ENOX2: variants seen among roughly 807,000 people sequenced by gnomAD.
ENOX2 encodes ecto-NOX disulfide-thiol exchanger 2, also known as APK1 antigen.
ENOX2 carries 36 observed loss-of-function variants against 45.0 expected under a neutral mutation model. The ratio of observed to expected loss-of-function variants is 0.80; its 90% confidence interval spans 0.61 to 1.06. The LOEUF (loss-of-function observed/expected upper bound fraction) is 1.06. ENOX2 is among the 50% of genes least tolerant of loss of function. ENOX2 has a pLI of 0.00. For missense variants in ENOX2, 423 were observed against 462.5 expected, an observed-to-expected ratio of 0.91 and a Z score of 0.78; for synonymous variants, 174 against 152.3, an observed-to-expected ratio of 1.14 and a Z score of -1.05.
chrX:130,716,592 C>A (rs2038336311), intron 3 of ENOX2, among the ~76,000 whole-genome samples: 1 of 111,808 alleles, frequency 8.9e-6, no homozygotes, highest in African/African-American at 3.3e-5. Flanking sequence ...AAGACAAAGG[C>A]AGATTATGGC....
At chrX:130,845,627 G>A (rs191624431) in intron 2 of ENOX2, among the ~76,000 whole-genome samples, 70 of 111,684 alleles carry the variant, frequency 6.3e-4, no homozygotes, top group Admixed American at 3.6e-3. Flanking sequence ...CACCACACCC[G>A]GCTAATTTTG....
chrX:130,859,134 C>G (rs1298301771), intron 2 of ENOX2, among the ~76,000 whole-genome samples: 6 of 112,106 alleles, frequency 5.4e-5, no homozygotes, highest in Non-Finnish European at 5.6e-5. Flanking sequence ...CCAGCCTGAC[C>G]AACATGGTGA....
At chrX:130,746,769 T>C (rs2039106248) in intron 3 of ENOX2, among the ~76,000 whole-genome samples, 3 of 111,696 alleles carry the variant, frequency 2.7e-5, no homozygotes, top group South Asian at 7.5e-4. Flanking sequence ...GGGAAGATGA[T>C]TACATTTTTG....
At position 130,786,123 on chromosome X, in the gene ENOX2, G is replaced by A. The variant is rs900635191; in HGVS notation, c.-182-2433C>T. On this transcript the variant is annotated intron_variant, in intron 2 of 14. Coordinates refer to ENST00000394363, the MANE Select transcript of ENOX2 (RefSeq NM_006375.4). ...TGGTGCCTAGCACCATACCTTGAGCGCCCAAATGAATTAATCCTTAATTGG... is the reference window on the plus strand; with the variant it reads ...TGGTGCCTAGCACCATACCTTGAGCACCCAAATGAATTAATCCTTAATTGG... 4.6e-4 allele frequency among the ~76,000 whole-genome samples: 52 copies of A among 112,876 alleles called. 1 individual carries two copies. The highest frequency in any genetic ancestry group is 4.6e-3 in the Middle Eastern group (1 of 217).
rs1032387106 is a variant in ENOX2, at chrX:130,669,892, A to G, written c.694+73T>C. On this transcript the variant is annotated intron_variant, in intron 7 of 14. Coordinates refer to ENST00000394363, the MANE Select transcript of ENOX2 (RefSeq NM_006375.4). ...GAAACTCAAAGTGTAACTGTCAACA[A>G]TGCAATTATATTTATGACACTTCTC... The G allele has an allele frequency of 2.0e-5, 15 of 755,088 alleles. No individual in the cohort carries two copies. In the Admixed American group the frequency reaches 3.6e-4, roughly 18 times the overall value. 62.2% of individuals were successfully genotyped at this position (755,088 alleles called of 1,213,427 possible).
At chrX:130,748,294 C>T (rs766302261) in intron 3 of ENOX2, among the ~76,000 whole-genome samples, 2 of 112,139 alleles carry the variant, frequency 1.8e-5, no homozygotes, top group Non-Finnish European at 3.8e-5. Context: ...TTCACAACCA[C>T]TGTAGGAGTC....
At chrX:130,835,057 G>A (rs2077906279) in intron 2 of ENOX2, among the ~76,000 whole-genome samples, 1 of 110,992 alleles carries the variant, frequency 9.0e-6, no homozygotes, top group South Asian at 3.8e-4. Context: ...ATACTAAACA[G>A]AACCAAATCA....
intron 10 of ENOX2, among the ~76,000 whole-genome samples, chrX:130,639,034 A>G (rs991755893): frequency 5.4e-5 from 6 of 111,981 alleles, no homozygotes; most frequent in Non-Finnish European, 1.1e-4. Flanking sequence ...AGACCCAGTC[A>G]TTGGAGAGCT....
At chrX:130,881,851 AGCTTCAGAAACTCAT>A (rs966504993) in intron 2 of ENOX2, among the ~76,000 whole-genome samples, 7 of 112,009 alleles carry the variant, frequency 6.2e-5, no homozygotes, top group Non-Finnish European at 1.3e-4. Flanking sequence ...TTAGCCATCC[AGCTTCAGAAACTCAT>A]GCTTCGGAAC....
chrX:130,857,884 G>A lies in ENOX2; in HGVS notation c.-183+43800C>T, dbSNP rs776304195. Reference sequence around the variant, plus strand: ...AGAAAACTCTTTTGTCTCAAATATAGAATTTTTTTAATTACAAATGAACAA... The same window carrying A: ...AGAAAACTCTTTTGTCTCAAATATAAAATTTTTTTAATTACAAATGAACAA... On this transcript the variant is annotated intron_variant, in intron 2 of 14. Coordinates refer to ENST00000394363, the MANE Select transcript of ENOX2 (RefSeq NM_006375.4). Among the ~76,000 whole-genome samples the A allele has an allele frequency of 3.6e-4, 40 of 111,409 alleles. No homozygotes were observed. The South Asian group carries it at 8.6e-3, about 24-fold the overall frequency.
intron 14 of ENOX2, among the ~76,000 whole-genome samples, chrX:130,625,853 A>C (rs759712923): frequency 1.8e-5 from 2 of 110,338 alleles, no homozygotes; most frequent in Non-Finnish European, 3.8e-5. Flanking sequence ...ATAATGGAGA[A>C]GTAACAGGAA....
intron 2 of ENOX2, among the ~76,000 whole-genome samples, chrX:130,891,508 T>G (rs926012096): frequency 1.0e-5 from 1 of 95,478 alleles, no homozygotes; most frequent in Non-Finnish European, 2.1e-5. Flanking sequence ...TTTTTTTTTT[T>G]TTTTTTTTTT....
intron 14 of ENOX2, 134 bp downstream of exon 14, chrX:130,627,824 A>C: frequency 2.0e-6 from 1 of 511,300 alleles, no homozygotes; most frequent in Non-Finnish European, 3.6e-6. Flanking sequence ...GCACTGAATC[A>C]CAGTGAGAGA....
intron 3 of ENOX2, among the ~76,000 whole-genome samples, chrX:130,723,009 G>A (rs774537571): frequency 2.9e-4 from 33 of 112,256 alleles, no homozygotes; most frequent in Admixed American, 2.2e-3. Context: ...CCCATACAGC[G>A]AAGTCACTTG....
chrX:130,703,821 T>C (rs189714147), intron 3 of ENOX2, among the ~76,000 whole-genome samples: 52 of 111,063 alleles, frequency 4.7e-4, no homozygotes, highest in Middle Eastern at 4.7e-3. Context: ...AGGGGAACAA[T>C]GAGAAAAAGC....
chrX:130,739,809 T>C (rs1348731683), intron 3 of ENOX2, among the ~76,000 whole-genome samples: 1 of 112,057 alleles, frequency 8.9e-6, no homozygotes, highest in African/African-American at 3.3e-5. Context: ...TCTCCAATTG[T>C]CCTGTTATAC....
chrX:130,662,862 A>G (rs906860891), intron 9 of ENOX2, among the ~76,000 whole-genome samples: 1 of 112,177 alleles, frequency 8.9e-6, no homozygotes, highest in Non-Finnish European at 1.9e-5. Context: ...ACCTTAATTT[A>G]ATTCAATCAA....
chrX:130,859,338 AAAAAC>A (rs752415604), intron 2 of ENOX2, among the ~76,000 whole-genome samples: 11 of 112,560 alleles, frequency 9.8e-5, no homozygotes, highest in Non-Finnish European at 1.7e-4. Context: ...TCTCAAAAAC[AAAAAC>A]AAAACAAAAC....
intron 2 of ENOX2, among the ~76,000 whole-genome samples, chrX:130,786,852 C>T (rs1388228114): frequency 4.6e-4 from 36 of 77,981 alleles, no homozygotes; most frequent in African/African-American, 1.5e-3. Flanking sequence ...TGAATAGTGC[C>T]GCAATAAACA....
Sources: allele counts gnomAD v4.1 joint callset (sites outside exome capture counted in the v4.1 genomes callset), GRCh38; gene constraint gnomAD v4.1.1; transcripts MANE v1.5; gene names NCBI Gene and HGNC (gene_info 2026-07-23, HGNC 2026-07-21).